PASD1: variants seen among roughly 807,000 people sequenced by gnomAD.
PASD1 encodes the protein PAS domain containing repressor 1.
In PASD1, 13 loss-of-function variants were observed where a neutral mutation model predicts 58.8. The ratio of observed to expected loss-of-function variants is 0.22; its 90% CI spans 0.14 to 0.35. The LOEUF is 0.35. Among genes scored for constraint, PASD1 ranks in the 10% least tolerant of loss-of-function variants. The pLI is 1.00. For missense variants in PASD1, 734 were observed against 568.3 expected (o/e 1.29, Z -2.96); for synonymous variants, 236 against 216.7 (o/e 1.09, Z -0.78).
chrX:151,632,571 G>C (rs62609292), intron 8 of PASD1, among the ~76,000 whole-genome samples: 2 of 110,120 alleles, frequency 1.8e-5, no homozygotes. Context: ...TATTTCTCTT[G>C]TTTTTCAATG....
intron 10 of PASD1, among the ~76,000 whole-genome samples, chrX:151,661,057 G>A (rs11798147): frequency 4.7e-4 from 52 of 110,802 alleles, no homozygotes; most frequent in Admixed American, 1.1e-3. Context: ...CAGGAGGCTG[G>A]GGCAGGAGAA....
intron 15 of PASD1, among the ~76,000 whole-genome samples, chrX:151,675,068 T>C (rs1351468919): frequency 8.9e-6 from 1 of 111,798 alleles, no homozygotes; most frequent in Non-Finnish European, 1.9e-5. Flanking sequence ...AGCCAGACTT[T>C]GTTGAGAACA....
At chrX:151,582,143 C>T (rs765083903) in intron 1 of PASD1, among the ~76,000 whole-genome samples, 5 of 109,189 alleles carry the variant, frequency 4.6e-5, no homozygotes, top group African/African-American at 1.3e-4. Flanking sequence ...TGTGTCACCA[C>T]GCCCGGCTAA....
chrX:151,659,409 T>C (rs1295355167), intron 9 of PASD1, among the ~76,000 whole-genome samples: 4 of 112,338 alleles, frequency 3.6e-5, no homozygotes, highest in Non-Finnish European at 7.5e-5. Context: ...GCAGAATTGT[T>C]TTTGCCATGC....
chrX:151,625,584 A>G (rs971988522), intron 8 of PASD1, 54 bp downstream of exon 8: 63 of 922,717 alleles, frequency 6.8e-5, no homozygotes, highest in Non-Finnish European at 8.7e-5. Context: ...ATTTTACTAA[A>G]CGAAACTAAA....
intron 1 of PASD1, among the ~76,000 whole-genome samples, chrX:151,569,490 G>C (rs1176256271): frequency 8.9e-6 from 1 of 111,914 alleles, no homozygotes; most frequent in African/African-American, 3.3e-5. Flanking sequence ...TGTACTTTAA[G>C]GTGAAATTCA....
chrX:151,659,737 G>T lies in PASD1; in HGVS notation c.742G>T (p.Glu248Ter). Residue 248 changes from glutamate to a stop codon, truncating the protein, a stop_gained, in exon 10 of 16, where the codon GAG (glutamate) becomes TAG (stop). Transcript: ENST00000370357. LOFTEE classifies it high-confidence loss of function. ...SDDQIDIAEV[E>*]QYGPQENVHM... is the part of the protein sequence containing the mutation. The stretch of plus-strand genomic sequence containing the variant: ...GGACCAAATTGATATTGCAGAGGTT[G>T]AGCAGTATGGACCACAAGAAAACGT... 8.3e-7 allele frequency: 1 copy of T among 1,201,203 alleles called. No homozygotes were observed. The highest frequency in any genetic ancestry group is 1.8e-5 in the South Asian group (1 of 56,558).
At chrX:151,603,595 G>A (rs777610580) in intron 2 of PASD1, among the ~76,000 whole-genome samples, 1 of 111,441 alleles carries the variant, frequency 9.0e-6, no homozygotes, top group Non-Finnish European at 1.9e-5. Context: ...AGTTTGAAGA[G>A]CTATGCCTAG....
At chrX:151,671,982 T>C (rs141310313) in intron 13 of PASD1, among the ~76,000 whole-genome samples, 1,278 of 112,674 alleles carry the variant, frequency 0.011, 14 homozygotes, top group African/African-American at 0.038. Flanking sequence ...TGTGCTGGAT[T>C]AGCAGACTCT....
At chrX:151,620,833 A>T (rs1964284085) in intron 4 of PASD1, 97 bp from the exon 5 acceptor site, 1 of 493,885 alleles carries the variant, frequency 2.0e-6, no homozygotes, top group African/African-American at 2.4e-5. Flanking sequence ...AGGTAAGGAG[A>T]TAGAGGAACT....
chrX:151,653,743 T>C (rs1453199777), intron 9 of PASD1, among the ~76,000 whole-genome samples: 2 of 53,585 alleles, frequency 3.7e-5, no homozygotes, highest in East Asian at 3.6e-4. Flanking sequence ...TCTCTCTTTC[T>C]TTCCTTCCTT....
At chrX:151,634,288 A>G (rs1159051792) in intron 8 of PASD1, among the ~76,000 whole-genome samples, 1 of 110,432 alleles carries the variant, frequency 9.1e-6, no homozygotes, top group Non-Finnish European at 1.9e-5. Context: ...CTTCATATAG[A>G]TAGATATTTT....
chrX:151,603,015 AT>A (rs2013439505), intron 2 of PASD1, among the ~76,000 whole-genome samples: 1 of 112,387 alleles, frequency 8.9e-6, no homozygotes, highest in Non-Finnish European at 1.9e-5. Flanking sequence ...TACCTTCCTA[AT>A]ACCTTCCTAG....
At chrX:151,571,843 C>T (rs2012932072) in intron 1 of PASD1, among the ~76,000 whole-genome samples, 1 of 111,963 alleles carries the variant, frequency 8.9e-6, no homozygotes, top group South Asian at 3.8e-4. Context: ...AATCTTTGTT[C>T]CTTCTCATAT....
chrX:151,620,884 C>T (rs921169846), intron 4 of PASD1, 46 bp from the exon 5 acceptor site: 1 of 998,146 alleles, frequency 1.0e-6, no homozygotes, highest in African/African-American at 1.9e-5. Flanking sequence ...CTCTCTCCCT[C>T]TTCCCCTCCT....
rs748005281 is a variant in PASD1 at position 151,585,950 on chromosome X, C to T, written c.-27-15577C>T. On this transcript the variant is annotated intron_variant, in intron 1 of 15. Transcript: ENST00000370357. Reference sequence around the variant, plus strand: ...AGGGAAATTAACAAACATTTAATTACCTGCCTGATACTGATCAGCAGAATT... The same window carrying T: ...AGGGAAATTAACAAACATTTAATTATCTGCCTGATACTGATCAGCAGAATT... 2.7e-5 allele frequency among the ~76,000 whole-genome samples: 3 copies of T among 111,533 alleles called. No individual in the cohort carries two copies. The East Asian group carries it at 8.5e-4, about 31-fold the overall frequency.
chrX:151,665,902 G>GT (rs749783832), intron 11 of PASD1, among the ~76,000 whole-genome samples: 2,285 of 96,855 alleles, frequency 0.024, 29 homozygotes, highest in African/African-American at 0.052. Context: ...GTGTGTGTGT[G>GT]TTTTTTTTTT....
chrX:151,667,747 T>C (rs1030519610), intron 11 of PASD1, among the ~76,000 whole-genome samples: 1 of 111,960 alleles, frequency 8.9e-6, no homozygotes, highest in African/African-American at 3.3e-5. Context: ...TGTATCTCTG[T>C]TTTGGTACCA....
intron 1 of PASD1, among the ~76,000 whole-genome samples, chrX:151,594,146 C>T (rs111722845): frequency 0.034 from 3,705 of 109,833 alleles, 115 homozygotes; most frequent in African/African-American, 0.092. Context: ...GCCAATTTTT[C>T]GTATTTTTAG....
Sources: allele counts gnomAD v4.1 joint callset (sites outside exome capture counted in the v4.1 genomes callset), GRCh38; gene constraint gnomAD v4.1.1; transcripts MANE v1.5; gene names NCBI Gene and HGNC (gene_info 2026-07-23, HGNC 2026-07-21).